Variants in DCC observed in about 807,000 individuals in gnomAD.
DCC encodes DCC netrin 1 receptor.
Under a neutral mutation model 172.5 loss-of-function variants are expected in DCC, and 58 were observed. The ratio of observed to expected loss-of-function variants is 0.34; its 90% confidence interval spans 0.27 to 0.42. DCC has a LOEUF of 0.42. DCC is among the 10% of genes least tolerant of loss of function. The pLI is 1.00. For missense variants in DCC, 1,740 were observed against 1,791.0 expected, an observed-to-expected ratio of 0.97 and a Z score of 0.51; for synonymous variants, 709 against 644.5, an observed-to-expected ratio of 1.10 and a Z score of -1.52.
intron 14 of DCC, among the ~76,000 whole-genome samples, chr18:53,327,056 A>T (rs2057475884): frequency 6.6e-6 from 1 of 152,184 alleles, no homozygotes; most frequent in African/African-American, 2.4e-5. Flanking sequence ...AGATTGTTAA[A>T]GGAAACCCCT....
intron 1 of DCC, among the ~76,000 whole-genome samples, chr18:52,554,984 A>G (rs1050189362): frequency 6.6e-6 from 1 of 152,126 alleles, no homozygotes; most frequent in African/African-American, 2.4e-5. Flanking sequence ...TGGCATAAGT[A>G]AACTCTAAGC....
intron 20 of DCC, 72 bp downstream of exon 20, chr18:53,410,718 A>G (rs1909930085): frequency 1.1e-6 from 1 of 946,508 alleles, no homozygotes; most frequent in African/African-American, 1.6e-5. Context: ...ACTCTGTGTT[A>G]GAAATGGCCC....
Position 53,036,181 on chromosome 18 carries a change from A to G in DCC, c.986-27124A>G, listed in dbSNP as rs184578367. On this transcript the variant is annotated intron_variant, in intron 5 of 28. Coordinates refer to ENST00000442544, the MANE Select transcript of DCC (RefSeq NM_005215.4). ...TTTACAAAAAATTTAAGAAGATATT[A>G]AAGATTCTAAAAATCTTTTCCCAAG... Among the ~76,000 whole-genome samples, 265 of 152,164 alleles carry G rather than the reference A, an allele frequency of 1.7e-3. 2 individuals are homozygous for G. Among genetic ancestry groups the G allele is most frequent in the African/African-American group, 6.0e-3 (251 of 41,550 alleles).
chr18:52,599,289 C>T (rs2033969687), intron 1 of DCC, among the ~76,000 whole-genome samples: 1 of 152,086 alleles, frequency 6.6e-6, no homozygotes, highest in Non-Finnish European at 1.5e-5. Context: ...GCAGTTCCAT[C>T]TAAAAACCAG....
At chr18:53,322,210 C>A in intron 14 of DCC, 53 bp downstream of exon 14, 1 of 976,120 alleles carries the variant, frequency 1.0e-6, no homozygotes, top group Non-Finnish European at 1.7e-6. Flanking sequence ...GTTATCTCAG[C>A]TTCAAAAGGT....
chr18:52,468,819 G>GC (rs1555685888), intron 1 of DCC, among the ~76,000 whole-genome samples: 10 of 151,194 alleles, frequency 6.6e-5, no homozygotes, highest in Non-Finnish European at 1.3e-4. Flanking sequence ...ATTTGTGTTA[G>GC]TTTTTTTTTC....
chr18:53,067,861 A>G (rs1354833870), intron 7 of DCC, among the ~76,000 whole-genome samples: 4 of 152,216 alleles, frequency 2.6e-5, no homozygotes, highest in Non-Finnish European at 5.9e-5. Context: ...CATATAAGAC[A>G]TAGTCTTTCT....
intron 1 of DCC, among the ~76,000 whole-genome samples, chr18:52,612,547 C>T (rs2034295047): frequency 6.6e-6 from 1 of 150,870 alleles, no homozygotes; most frequent in African/African-American, 2.4e-5. Context: ...AGTGTAAATT[C>T]TTCAGTTTGA....
At chr18:52,711,894 C>G (rs2036297846) in intron 1 of DCC, among the ~76,000 whole-genome samples, 1 of 152,168 alleles carries the variant, frequency 6.6e-6, no homozygotes. Context: ...GAACAAACCA[C>G]TTTCTATGTG....
At chr18:53,518,398 A>T (rs2046362616) in intron 27 of DCC, among the ~76,000 whole-genome samples, 1 of 152,172 alleles carries the variant, frequency 6.6e-6, no homozygotes. Context: ...CTGCAGCCTA[A>T]TGTTTCTCAC....
chr18:52,837,070 G>A (rs1032550266), intron 2 of DCC, among the ~76,000 whole-genome samples: 7 of 152,122 alleles, frequency 4.6e-5, no homozygotes, highest in East Asian at 1.9e-4. Context: ...AAGCTGTACC[G>A]TAGCCCCTTT....
Position 52,451,060 on chromosome 18 carries a change from C to T in DCC, c.91+110182C>T, listed in dbSNP as rs571201798. Among the ~76,000 whole-genome samples the T allele has an allele frequency of 1.3e-4, 20 of 152,124 alleles. No individual in the cohort carries two copies. In the East Asian group the frequency reaches 3.9e-3, roughly 29 times the overall value. ...GGTGACCAGCTATTGTTGAAGTAAC[C>T]ATGTAGAACATTAGAATTTCACTGT... On this transcript the variant is annotated intron_variant, in intron 1 of 28. Transcript: ENST00000442544.
intron 2 of DCC, among the ~76,000 whole-genome samples, chr18:52,879,412 C>CCTTTTTTTTTTTTTTTTTTTTTTTT (rs2039447955): frequency 4.8e-5 from 3 of 62,328 alleles, no homozygotes; most frequent in African/African-American, 2.1e-4. Flanking sequence ...TGTTGTTTGG[C>CCTTTTTTTTTTTTTTTTTTTTTTTT]TTTTTTTTTT....
chr18:53,424,864 G>A (rs1332847629), intron 21 of DCC, among the ~76,000 whole-genome samples: 1 of 152,146 alleles, frequency 6.6e-6, no homozygotes, highest in Admixed American at 6.5e-5. Context: ...CTGCTCTAAT[G>A]TAGTAGTTCT....
At chr18:52,625,092 G>T (rs145291115) in intron 1 of DCC, among the ~76,000 whole-genome samples, 5,948 of 152,142 alleles carry the variant, frequency 0.039, 154 homozygotes, top group Non-Finnish European at 0.053. Context: ...GTAGGCAATT[G>T]TAACAGTGGT....
Position 52,944,904 on chromosome 18 carries a change from A to T in DCC, c.985+19534A>T, listed in dbSNP as rs139502030. ...AGAGTATCCAAAGTTTTAGTTGTCT[A>T]TTTATTTTAGTCTGTTTATGAAGGC... On this transcript the variant is annotated intron_variant, in intron 5 of 28. Transcript: ENST00000442544. Among the ~76,000 whole-genome samples the T allele has an allele frequency of 1.4e-4, 21 of 152,262 alleles. No homozygotes were observed. The East Asian group carries it at 4.0e-3, about 29-fold the overall frequency.
At chr18:52,389,910 C>T (rs1341864093) in intron 1 of DCC, among the ~76,000 whole-genome samples, 1 of 152,040 alleles carries the variant, frequency 6.6e-6, no homozygotes, top group Admixed American at 6.6e-5. Flanking sequence ...TATTGAGAAA[C>T]TATTAAGTAC....
intron 1 of DCC, among the ~76,000 whole-genome samples, chr18:52,596,685 A>T (rs1568247439): frequency 6.6e-6 from 1 of 152,226 alleles, no homozygotes; most frequent in African/African-American, 2.4e-5. Flanking sequence ...CTATTTGGTG[A>T]CAATATCAGA....
intron 1 of DCC, among the ~76,000 whole-genome samples, chr18:52,629,464 G>T (rs2034634264): frequency 6.6e-6 from 1 of 152,100 alleles, no homozygotes. Flanking sequence ...GTGGATTAGG[G>T]GGAGCAACTA....
Sources: allele counts gnomAD v4.1 joint callset (sites outside exome capture counted in the v4.1 genomes callset), GRCh38; gene constraint gnomAD v4.1.1; transcripts MANE v1.5; gene names NCBI Gene and HGNC (gene_info 2026-07-23, HGNC 2026-07-21).